Variants in FRK observed in about 807,000 individuals in gnomAD.
The protein encoded by FRK is fyn related Src family tyrosine kinase, also known as tyrosine-protein kinase FRK.
Under a neutral mutation model 56.4 loss-of-function variants are expected in FRK, and 51 were observed. The observed-to-expected ratio is 0.90, with a 90% CI of 0.72 to 1.14. The LOEUF (loss-of-function observed/expected upper bound fraction) is 1.14. Ranked by LOEUF, FRK falls within the 50% of genes most tolerant of loss-of-function variation. The pLI is 0.00. For missense variants in FRK, 570 were observed against 601.4 expected (o/e 0.95, Z 0.55); for synonymous variants, 245 against 217.9 (o/e 1.12, Z -1.10).
intron 2 of FRK, among the ~76,000 whole-genome samples, chr6:115,989,619 G>A (rs767310239): frequency 6.6e-6 from 1 of 151,844 alleles, no homozygotes; most frequent in Non-Finnish European, 1.5e-5. Context: ...CAGAGAACAT[G>A]ATTTCATTCT....
At chr6:115,998,875 T>A (rs1378386201) in intron 2 of FRK, among the ~76,000 whole-genome samples, 1 of 152,204 alleles carries the variant, frequency 6.6e-6, no homozygotes, top group Admixed American at 6.5e-5. Flanking sequence ...TTTTCAATTA[T>A]CTTCAATATA....
At chr6:115,988,095 T>C (rs534221129) in intron 2 of FRK, among the ~76,000 whole-genome samples, 3 of 152,138 alleles carry the variant, frequency 2.0e-5, no homozygotes, top group African/African-American at 7.2e-5. Context: ...GACAACAAAA[T>C]AGTTTCTCAG....
At position 116,003,876 on chromosome 6, in the gene FRK, C is replaced by T. The variant is rs1183942819; in HGVS notation, c.466+1G>A. 1.2e-6 allele frequency: 2 copies of T among 1,613,202 alleles called. No homozygotes were observed. Among genetic ancestry groups the T allele is most frequent in the South Asian group, 1.1e-5 (1 of 91,062 alleles). ...TGAATGACACAAAACAATACCCTTA[C>T]CTGAAAGAGAGAATTCTCCTTTTTG... On this transcript the variant is annotated splice_donor_variant, in intron 2 of 7. Coordinates refer to ENST00000606080, the MANE Select transcript of FRK (RefSeq NM_002031.3). LOFTEE classifies it high-confidence loss of function.
In FRK at chr6:115,939,785, C is replaced by T. The variant is rs1215352623; in HGVS notation, c.*2629G>A. 6.6e-6 allele frequency: 1 copy of T among 152,056 alleles called. No homozygotes were observed. Among genetic ancestry groups the T allele is most frequent in the African/African-American group, 2.4e-5 (1 of 41,392 alleles). The allele number at this position is 152,056 out of a possible 1,614,324, so 9.4% of individuals were successfully genotyped here. A position where few individuals can be genotyped will look rare whatever the true frequency, so the allele number is the denominator to read the frequency against. ...TACAACTTACAAGGGATGCAAAGGA[C>T]CTCTTCAAGGAGAACTACAAACCAC... On this transcript the variant is annotated 3_prime_UTR_variant, in exon 8 of 8. Transcript: ENST00000606080.
intron 5 of FRK, among the ~76,000 whole-genome samples, chr6:115,952,923 G>T (rs1272505293): frequency 2.6e-5 from 3 of 115,186 alleles, no homozygotes; most frequent in Non-Finnish European, 5.2e-5. Context: ...GGACTGTGGT[G>T]GGGTGGGGGG....
At position 115,936,952 on chromosome 6, in the gene FRK, T is replaced by C. The variant is rs1772063991; in HGVS notation, c.*5462A>G. 1 of 152,130 alleles carries C rather than the reference T, an allele frequency of 6.6e-6. No homozygotes were observed. The highest frequency in any genetic ancestry group is 1.5e-5 in the Non-Finnish European group (1 of 68,044). The allele number at this position is 152,130 out of a possible 1,614,324, so 9.4% of individuals were successfully genotyped here. A position where few individuals can be genotyped will look rare whatever the true frequency, so the allele number is the denominator to read the frequency against. On this transcript the variant is annotated 3_prime_UTR_variant, in exon 8 of 8. Transcript: ENST00000606080. ...CCCAACCTAGCAAGACAGGTCAACATTCAAATTAAGGAAATACAGAGAACG... is the reference window on the plus strand; with the variant it reads ...CCCAACCTAGCAAGACAGGTCAACACTCAAATTAAGGAAATACAGAGAACG...
intron 1 of FRK, among the ~76,000 whole-genome samples, chr6:116,024,526 T>C: frequency 1.3e-5 from 2 of 152,016 alleles, no homozygotes; most frequent in Non-Finnish European, 2.9e-5. Context: ...TTTGGTTTTT[T>C]GTTCTTGCGA....
At chr6:115,951,608 A>G (rs1772755808) in intron 5 of FRK, among the ~76,000 whole-genome samples, 1 of 152,360 alleles carries the variant, frequency 6.6e-6, no homozygotes, top group African/African-American at 2.4e-5. Context: ...AATGTATTAC[A>G]AAAATTATCC....
intron 1 of FRK, among the ~76,000 whole-genome samples, chr6:116,013,154 T>C (rs999659343): frequency 6.6e-6 from 1 of 152,172 alleles, no homozygotes; most frequent in Non-Finnish European, 1.5e-5. Context: ...GGTGAACTCA[T>C]TTGTGCTTTC....
chr6:116,020,040 T>C (rs1377402363), intron 1 of FRK, among the ~76,000 whole-genome samples: 1 of 152,128 alleles, frequency 6.6e-6, no homozygotes, highest in African/African-American at 2.4e-5. Flanking sequence ...AATAATAAAT[T>C]ATGATCTTAA....
At chr6:116,043,567 C>T (rs1776812674) in intron 1 of FRK, among the ~76,000 whole-genome samples, 1 of 152,062 alleles carries the variant, frequency 6.6e-6, no homozygotes, top group African/African-American at 2.4e-5. Flanking sequence ...ATACCAGAAT[C>T]TCTGGGACAC....
intron 1 of FRK, among the ~76,000 whole-genome samples, chr6:116,051,308 C>CT (rs1214214175): frequency 2.0e-5 from 3 of 152,082 alleles, no homozygotes; most frequent in African/African-American, 7.2e-5. Context: ...TTTAAAGGCA[C>CT]TATAAAATGC....
At chr6:115,970,723 C>A (rs1319717747) in intron 2 of FRK, among the ~76,000 whole-genome samples, 1 of 152,076 alleles carries the variant, frequency 6.6e-6, no homozygotes, top group East Asian at 1.9e-4. Flanking sequence ...TGGTGGCAGA[C>A]CCTGTCTCAA....
chr6:116,088,253 T>C, the FRK span, among the ~76,000 whole-genome samples: 2 of 152,216 alleles, frequency 1.3e-5, no homozygotes, highest in South Asian at 4.1e-4. Flanking sequence ...GCTCTGCTTT[T>C]AGGGCAACCC....
At chr6:115,957,293 G>T (rs904764668) in intron 4 of FRK, among the ~76,000 whole-genome samples, 2 of 152,200 alleles carry the variant, frequency 1.3e-5, no homozygotes, top group Non-Finnish European at 2.9e-5. Flanking sequence ...AGACTTGTCT[G>T]CAATTAAATC....
At chr6:116,023,024 T>C (rs1157198298) in intron 1 of FRK, among the ~76,000 whole-genome samples, 1 of 152,090 alleles carries the variant, frequency 6.6e-6, no homozygotes, top group African/African-American at 2.4e-5. Context: ...CAAAAGGAAA[T>C]ATGAAGTTGG....
intron 1 of FRK, among the ~76,000 whole-genome samples, chr6:116,034,468 T>C (rs1364938415): frequency 6.6e-6 from 1 of 152,156 alleles, no homozygotes; most frequent in African/African-American, 2.4e-5. Flanking sequence ...TGGTGACTTT[T>C]GATAAGAGCA....
intron 2 of FRK, among the ~76,000 whole-genome samples, chr6:115,983,157 G>T (rs889952175): frequency 1.3e-5 from 2 of 151,898 alleles, no homozygotes; most frequent in African/African-American, 4.8e-5. Context: ...GTAATATTTT[G>T]TCTAATCCTC....
At chr6:115,994,513 T>C (rs1264433455) in intron 2 of FRK, among the ~76,000 whole-genome samples, 1 of 152,048 alleles carries the variant, frequency 6.6e-6, no homozygotes, top group Non-Finnish European at 1.5e-5. Flanking sequence ...GTCTAACAAA[T>C]ATTCAATCCC....
Sources: gnomAD v4.1 joint callset for allele counts (sites outside exome capture counted in the v4.1 genomes callset) on GRCh38, gnomAD v4.1.1 for gene constraint, MANE v1.5 for transcripts, NCBI Gene and HGNC (gene_info 2026-07-23, HGNC 2026-07-21) for gene names.